Variants in CENPO observed in about 807,000 individuals in gnomAD.
The protein encoded by CENPO is centromere protein O.
In CENPO, 30 loss-of-function variants were observed where a neutral mutation model predicts 36.1. That is an observed-to-expected ratio of 0.83 (90% CI 0.62 to 1.13). The LOEUF (loss-of-function observed/expected upper bound fraction) is 1.13. CENPO is among the 50% of genes most tolerant of loss of function. The pLI is 0.00. For synonymous variants in CENPO, 171 were observed against 142.3 expected (o/e 1.20, Z -1.44); for missense variants, 349 against 357.8 (o/e 0.98, Z 0.20).
At position 24,801,063 on chromosome 2, in the gene CENPO, G is replaced by T. The variant is rs172489; in HGVS notation, c.216+1219G>T. Among the ~76,000 whole-genome samples, 733 of 152,278 alleles carry T rather than the reference G, an allele frequency of 4.8e-3. 8 individuals are homozygous for T. The highest frequency in any genetic ancestry group is 0.016 in the African/African-American group (663 of 41,544). On this transcript the variant is annotated intron_variant, in intron 3 of 7. Coordinates refer to ENST00000380834, the MANE Select transcript of CENPO (RefSeq NM_001322101.2). ...ATCTCATTGTGGCTTTGATTTGCAT[G>T]TCTCTGATGGCCAGTGATGATGAGC...
chr2:24,796,578 C>T (rs565059253), intron 2 of CENPO, among the ~76,000 whole-genome samples: 13 of 152,122 alleles, frequency 8.5e-5, no homozygotes, highest in East Asian at 7.7e-4. Flanking sequence ...TTTGGGAAGC[C>T]GAGGTGGGAG....
rs1417470403 is a variant in CENPO, at chr2:24,821,058, A to G, written c.*1740A>G. ...AGGTGTCAGCCGCCACCCCCCCCCC[A>G]TATGCAGATTTACTCGGCATGGTAG... is the stretch of plus-strand genomic sequence containing the variant. On this transcript the variant is annotated 3_prime_UTR_variant, in exon 8 of 8. Coordinates refer to ENST00000380834, the MANE Select transcript of CENPO (RefSeq NM_001322101.2). The G allele has an allele frequency of 5.1e-6, 3 of 587,086 alleles. No individual in the cohort carries two copies. In the South Asian group the frequency reaches 6.6e-5, roughly 13 times the overall value. 36.4% of individuals were successfully genotyped at this position (587,086 alleles called of 1,614,324 possible).
At chr2:24,796,544 G>A (rs914484926) in intron 2 of CENPO, among the ~76,000 whole-genome samples, 4 of 152,140 alleles carry the variant, frequency 2.6e-5, no homozygotes, top group African/African-American at 9.7e-5. Context: ...CGGGTGCGGT[G>A]GCTCACGCCT....
chr2:24,810,229 T>A (rs1434875366), intron 3 of CENPO, among the ~76,000 whole-genome samples: 1 of 152,036 alleles, frequency 6.6e-6, no homozygotes, highest in African/African-American at 2.4e-5. Context: ...TTTAGTTGAC[T>A]TTTTTTTATT....
At chr2:24,803,797 T>C (rs913016217) in intron 3 of CENPO, among the ~76,000 whole-genome samples, 2 of 152,204 alleles carry the variant, frequency 1.3e-5, no homozygotes, top group African/African-American at 4.8e-5. Context: ...GAAAAAAATG[T>C]ATATTCTGTT....
chr2:24,797,934 A>G (rs1665984028), intron 2 of CENPO, among the ~76,000 whole-genome samples: 1 of 152,156 alleles, frequency 6.6e-6, no homozygotes, highest in African/African-American at 2.4e-5. Flanking sequence ...GAAAATGGAG[A>G]AAGTGAGTAC....
intron 3 of CENPO, among the ~76,000 whole-genome samples, chr2:24,805,307 A>G (rs1468980187): frequency 1.3e-5 from 2 of 152,140 alleles, no homozygotes; most frequent in African/African-American, 4.8e-5. Flanking sequence ...GATCGTCTGA[A>G]GCTGTCTTCT....
intron 3 of CENPO, among the ~76,000 whole-genome samples, chr2:24,800,301 G>T (rs973501411): frequency 1.3e-5 from 2 of 152,184 alleles, no homozygotes; most frequent in Admixed American, 1.3e-4. Flanking sequence ...ATCCGGTAGA[G>T]TTACAGTGAA....
At chr2:24,804,111 G>C (rs556119212) in intron 3 of CENPO, among the ~76,000 whole-genome samples, 2 of 152,136 alleles carry the variant, frequency 1.3e-5, no homozygotes, top group South Asian at 2.1e-4. Context: ...TTTGATCTTT[G>C]TTGGTTGAAA....
intron 3 of CENPO, among the ~76,000 whole-genome samples, chr2:24,810,504 GTTTT>G (rs35287429): frequency 8.8e-6 from 1 of 114,104 alleles, no homozygotes. Flanking sequence ...GCAGGTTAAG[GTTTT>G]TTTTTTTTTT....
At chr2:24,818,236 C>G (rs1017700692) in intron 7 of CENPO, among the ~76,000 whole-genome samples, 29 of 152,136 alleles carry the variant, frequency 1.9e-4, no homozygotes, top group African/African-American at 5.8e-4. Context: ...TGCCAAAAAT[C>G]CTAAAATTTT....
Position 24,799,697 on chromosome 2 carries a change from G to A in CENPO, c.69G>A (p.Arg23=), listed in dbSNP as rs772776255. Residue 23 remains arginine (R), a synonymous_variant, in exon 3 of 8, where the codon AGG becomes AGA. Coordinates refer to ENST00000380834, the MANE Select transcript of CENPO (RefSeq NM_001322101.2). ...TAGGTGTTTTAGCTCACTTGGAAAG[G>A]CTAGAGACCCAAGTGAGCAGATCCC... ...SKGGVLAHLE[R]LETQVSRSRK... 1.2e-6 allele frequency: 2 copies of A among 1,613,756 alleles called. No individual in the cohort carries two copies. The highest frequency in any genetic ancestry group is 4.5e-5 in the East Asian group (2 of 44,866).
At position 24,799,805 on chromosome 2, in the gene CENPO, A is replaced by C; in HGVS notation, c.177A>C (p.Arg59=). 6.2e-7 allele frequency: 1 copy of C among 1,613,664 alleles called. No homozygotes were observed. The stretch of plus-strand genomic sequence containing the variant: ...AGATTCATAAACTAAGGCGTCTGCG[A>C]GATGAGCTGAGGGCTGTGGTGCGGC... ...GTKIHKLRRL[R]DELRAVVRHR... Residue 59 remains arginine, a synonymous_variant, in exon 3 of 8, where the codon CGA becomes CGC. Transcript: ENST00000380834.
chr2:24,806,215 G>A lies in CENPO; in HGVS notation c.216+6371G>A, dbSNP rs529767230. Among the ~76,000 whole-genome samples the A allele has an allele frequency of 7.2e-4, 109 of 152,304 alleles. 1 individual carries two copies. The highest frequency in any genetic ancestry group is 1.4e-3 in the East Asian group (7 of 5,184). The stretch of plus-strand genomic sequence containing the variant: ...GGAGTGACCCGATTTTCCAGGTGCC[G>A]TCTGTCACCCCTTTCTTTGACTAGG... On this transcript the variant is annotated intron_variant, in intron 3 of 7. Transcript: ENST00000380834.
At chr2:24,795,029 A>G (rs1328932056) in intron 2 of CENPO, among the ~76,000 whole-genome samples, 1 of 152,246 alleles carries the variant, frequency 6.6e-6, no homozygotes, top group Admixed American at 6.5e-5. Flanking sequence ...TAATAAAAGT[A>G]TATGGGGTAA....
At position 24,820,018 on chromosome 2, in the gene CENPO, A is replaced by T. The variant is rs147578691; in HGVS notation, c.*700A>T. 6 of 1,612,096 alleles carry T rather than the reference A, an allele frequency of 3.7e-6. No individual in the cohort carries two copies. Among genetic ancestry groups the T allele is most frequent in the African/African-American group, 1.3e-5 (1 of 74,746 alleles). On this transcript the variant is annotated 3_prime_UTR_variant, in exon 8 of 8. Transcript: ENST00000380834. ...AGCTTATCCCGCCCCTTCAAGAAGA[A>T]GGTCAGCAGCTCCCCCTTCCCCTTC...
intron 3 of CENPO, among the ~76,000 whole-genome samples, chr2:24,812,902 GTT>G (rs35639594): frequency 0.054 from 5,743 of 105,644 alleles, 157 homozygotes; most frequent in African/African-American, 0.097. Flanking sequence ...TATGCCTGTA[GTT>G]TTTTTTTTTT....
rs185920316 is a variant in CENPO at position 24,820,127 on chromosome 2, G to C, written c.*809G>C. ...TTTCTTCTACCACCTGGAGAGGGAG[G>C]GGGAGCAAGAACGTGGCGTTACGGG... On this transcript the variant is annotated 3_prime_UTR_variant, in exon 8 of 8. Coordinates refer to ENST00000380834, the MANE Select transcript of CENPO (RefSeq NM_001322101.2). 14 of 1,532,896 alleles carry C rather than the reference G, an allele frequency of 9.1e-6. No individual in the cohort carries two copies. The highest frequency in any genetic ancestry group is 1.4e-5 in the African/African-American group (1 of 71,860). The allele number at this position is 1,532,896 out of a possible 1,614,324, so 95.0% of individuals were successfully genotyped here.
chr2:24,820,572 T>C lies in CENPO; in HGVS notation c.*1254T>C, dbSNP rs1460190091. ...TTTCTTCCTGTGCTGAGGCTAGCTA[T>C]TGCAGAGATTCTTTTCCACTTGCCC... On this transcript the variant is annotated 3_prime_UTR_variant, in exon 8 of 8. Transcript: ENST00000380834. The C allele has an allele frequency of 1.4e-6, 2 of 1,445,328 alleles. No individual in the cohort carries two copies. Among genetic ancestry groups the C allele is most frequent in the Non-Finnish European group, 1.8e-6 (2 of 1,085,420 alleles). 89.5% of individuals were successfully genotyped at this position (1,445,328 alleles called of 1,614,324 possible).
Sources: allele counts gnomAD v4.1 joint callset (sites outside exome capture counted in the v4.1 genomes callset), GRCh38; gene constraint gnomAD v4.1.1; transcripts MANE v1.5; gene names NCBI Gene and HGNC (gene_info 2026-07-23, HGNC 2026-07-21).